BABAM2: variants seen among roughly 807,000 people sequenced by gnomAD.
BABAM2 encodes BRISC and BRCA1 A complex member 2.
In BABAM2, 31 loss-of-function variants were observed where a neutral mutation model predicts 54.7. The ratio of observed to expected loss-of-function variants is 0.57; its 90% confidence interval spans 0.43 to 0.77. The LOEUF is 0.77. BABAM2 is among the 30% of genes least tolerant of loss of function. The probability of loss-of-function intolerance (pLI) is 0.00; values close to 1 mark genes in which losing one functional copy is unlikely to be tolerated. For missense variants in BABAM2, 364 were observed against 455.8 expected, an observed-to-expected ratio of 0.80 and a Z score of 1.83; for synonymous variants, 167 against 162.9, an observed-to-expected ratio of 1.03 and a Z score of -0.19.
chr2:28,151,365 G>A (rs1377789525), intron 7 of BABAM2, among the ~76,000 whole-genome samples: 1 of 152,144 alleles, frequency 6.6e-6, no homozygotes, highest in African/African-American at 2.4e-5. Context: ...CCGAGGTCAG[G>A]AGTTCGAGAG....
In BABAM2 at chr2:28,132,261, C is replaced by G. The variant is rs559309012; in HGVS notation, c.680+2881C>G. Among the ~76,000 whole-genome samples, 59 of 151,958 alleles carry G rather than the reference C, an allele frequency of 3.9e-4. No individual in the cohort carries two copies. In the South Asian group the frequency reaches 0.012, roughly 32 times the overall value. On this transcript the variant is annotated intron_variant, in intron 7 of 11. Transcript: ENST00000379624. The stretch of plus-strand genomic sequence containing the variant: ...TCACGCCATTCTCCTGCCTCAGCCT[C>G]CCGAGTAGCTGGGACTACAGGCGCC...
chr2:28,189,994 C>CT (rs1004463573), intron 7 of BABAM2, among the ~76,000 whole-genome samples: 1 of 152,122 alleles, frequency 6.6e-6, no homozygotes, highest in African/African-American at 2.4e-5. Context: ...ACCCACACAT[C>CT]TATAGACATT....
intron 10 of BABAM2, among the ~76,000 whole-genome samples, chr2:28,296,026 C>T (rs55798088): frequency 1.3e-5 from 2 of 152,216 alleles, no homozygotes; most frequent in Non-Finnish European, 2.9e-5. Context: ...CGAGAATTGC[C>T]TGAACCCAGG....
intron 10 of BABAM2, among the ~76,000 whole-genome samples, chr2:28,281,329 C>T (rs1424140224): frequency 6.6e-6 from 1 of 152,204 alleles, no homozygotes; most frequent in Non-Finnish European, 1.5e-5. Flanking sequence ...ACAAAGCTTA[C>T]TGAATTGGTG....
chr2:27,929,192 G>A (rs115984253), intron 2 of BABAM2, among the ~76,000 whole-genome samples: 1,578 of 152,174 alleles, frequency 0.01, 23 homozygotes, highest in African/African-American at 0.036. Context: ...CTCCAGCCTG[G>A]GCTACAGAGT....
intron 6 of BABAM2, among the ~76,000 whole-genome samples, chr2:28,094,776 G>A (rs1414915586): frequency 6.6e-6 from 1 of 151,244 alleles, no homozygotes; most frequent in Admixed American, 6.6e-5. Flanking sequence ...ATGCAAATGC[G>A]AGTATATGTT....
chr2:28,068,293 C>T (rs1663803896), intron 6 of BABAM2, among the ~76,000 whole-genome samples: 1 of 152,088 alleles, frequency 6.6e-6, no homozygotes, highest in Admixed American at 6.6e-5. Context: ...ACATATGTAG[C>T]GAGGGCACAA....
chr2:28,275,486 A>G (rs964655462), intron 10 of BABAM2, among the ~76,000 whole-genome samples: 1 of 152,164 alleles, frequency 6.6e-6, no homozygotes, highest in Non-Finnish European at 1.5e-5. Flanking sequence ...AGAGCTGACA[A>G]TGCCAGGCCA....
At chr2:28,027,170 TCTC>T (rs1450668561) in intron 5 of BABAM2, among the ~76,000 whole-genome samples, 2 of 150,636 alleles carry the variant, frequency 1.3e-5, no homozygotes, top group Non-Finnish European at 2.9e-5. Context: ...CACCAGGTAT[TCTC>T]CTGCCCAAGG....
intron 10 of BABAM2, 58 bp from the exon 11 acceptor site, chr2:28,298,280 A>C: frequency 6.4e-7 from 1 of 1,562,630 alleles, no homozygotes; most frequent in African/African-American, 1.4e-5. Flanking sequence ...AGTCAAAAAA[A>C]AAAATCTTAA....
At chr2:28,311,345 C>A (rs1689075611) in intron 11 of BABAM2, among the ~76,000 whole-genome samples, 1 of 151,740 alleles carries the variant, frequency 6.6e-6, no homozygotes, top group Non-Finnish European at 1.5e-5. Flanking sequence ...TGTTTGGGAT[C>A]ACCAAGGAGA....
At chr2:28,275,652 G>A (rs1323557693) in intron 10 of BABAM2, among the ~76,000 whole-genome samples, 2 of 152,180 alleles carry the variant, frequency 1.3e-5, no homozygotes, top group Admixed American at 6.5e-5. Context: ...TAATACATAT[G>A]CATTTATTAG....
At chr2:28,303,719 C>T (rs1035616160) in intron 11 of BABAM2, among the ~76,000 whole-genome samples, 1 of 152,046 alleles carries the variant, frequency 6.6e-6, no homozygotes, top group Non-Finnish European at 1.5e-5. Context: ...CAACGCCCCC[C>T]CCACCAAAAG....
intron 4 of BABAM2, among the ~76,000 whole-genome samples, chr2:28,001,100 C>G (rs1673546273): frequency 6.6e-6 from 1 of 152,150 alleles, no homozygotes; most frequent in Admixed American, 6.5e-5. Flanking sequence ...GTCCTTTCAG[C>G]TCACAGAGCA....
At chr2:28,088,875 A>C (rs7559274) in intron 6 of BABAM2, among the ~76,000 whole-genome samples, 3,823 of 152,234 alleles carry the variant, frequency 0.025, 162 homozygotes, top group African/African-American at 0.087. Context: ...TGTAGCCACT[A>C]GCAGGCCATG....
At chr2:28,036,240 G>A (rs926993478) in intron 5 of BABAM2, among the ~76,000 whole-genome samples, 1 of 152,062 alleles carries the variant, frequency 6.6e-6, no homozygotes, top group Non-Finnish European at 1.5e-5. Flanking sequence ...GTACTAAAAG[G>A]CAAAAGACAA....
At chr2:27,955,655 T>C (rs958388364) in intron 3 of BABAM2, among the ~76,000 whole-genome samples, 3 of 152,228 alleles carry the variant, frequency 2.0e-5, no homozygotes, top group African/African-American at 7.2e-5. Context: ...TATTTTGTTT[T>C]AGGCTTTGAT....
chr2:28,112,197 C>CCCTT lies in BABAM2; in HGVS notation c.571-17045_571-17042dup, dbSNP rs1215942914. On this transcript the variant is annotated intron_variant, in intron 6 of 11. Coordinates refer to ENST00000379624, the MANE Select transcript of BABAM2 (RefSeq NM_199191.3). ...TCCCTCCCTCCCTCCCTCCCTCCCT[C>CCCTT]CCTTCCTTCCTTCCTTCCTTCCTTC... Among the ~76,000 whole-genome samples, 51 of 25,484 alleles carry CCCTT rather than the reference C, an allele frequency of 2.0e-3. 2 individuals carry two copies. The highest frequency in any genetic ancestry group is 0.011 in the South Asian group (2 of 182). 16.7% of individuals were successfully genotyped at this position (25,484 alleles called of 152,430 possible).
At chr2:28,057,003 G>A (rs771921293) in intron 6 of BABAM2, among the ~76,000 whole-genome samples, 13 of 152,098 alleles carry the variant, frequency 8.5e-5, no homozygotes, top group African/African-American at 1.4e-4. Context: ...TAAGGAATGC[G>A]TATATCATAT....
Sources: gnomAD v4.1 joint callset for allele counts (sites outside exome capture counted in the v4.1 genomes callset) on GRCh38, gnomAD v4.1.1 for gene constraint, MANE v1.5 for transcripts, NCBI Gene and HGNC (gene_info 2026-07-23, HGNC 2026-07-21) for gene names.